Variants in C1orf198 observed in about 807,000 individuals in gnomAD.
The protein encoded by C1orf198 is chromosome 1 open reading frame 198.
Under a neutral mutation model 31.4 loss-of-function variants are expected in C1orf198, and 17 were observed. The observed-to-expected ratio is 0.54, with a 90% CI of 0.37 to 0.81. The LOEUF is 0.81. C1orf198 is among the 40% of genes least tolerant of loss of function. The probability of loss-of-function intolerance (pLI) is 0.00; values close to 1 mark genes in which losing one functional copy is unlikely to be tolerated. For synonymous variants in C1orf198, 175 were observed against 193.8 expected (o/e 0.90, Z 0.81); for missense variants, 401 against 450.3 (o/e 0.89, Z 0.99).
chr1:230,842,336 C>G (rs536152806), intron 3 of C1orf198, among the ~76,000 whole-genome samples: 1 of 152,092 alleles, frequency 6.6e-6, no homozygotes, highest in South Asian at 2.1e-4. Context: ...GTATATGGAA[C>G]CAGCCCAAAT....
At chr1:230,868,154 G>A in intron 1 of C1orf198, 26 bp downstream of exon 1, 2 of 1,397,358 alleles carry the variant, frequency 1.4e-6, no homozygotes, top group South Asian at 1.5e-5. Context: ...GAGGGGAAGA[G>A]GGTCCGCGGC....
At chr1:230,849,002 G>A (rs554346070) in intron 2 of C1orf198, among the ~76,000 whole-genome samples, 88 of 152,304 alleles carry the variant, frequency 5.8e-4, no homozygotes, top group African/African-American at 2.1e-3. Flanking sequence ...ACAGCACCAG[G>A]ACAGAGCGAA....
At chr1:230,866,539 A>G (rs1432017644) in intron 1 of C1orf198, among the ~76,000 whole-genome samples, 8 of 152,198 alleles carry the variant, frequency 5.3e-5, no homozygotes, top group African/African-American at 9.7e-5. Context: ...ACTTGGCCAC[A>G]TTCTTCCTTG....
Position 230,843,917 on chromosome 1 carries a change from G to A in C1orf198, c.385-21C>T, listed in dbSNP as rs758093701. 3 of 1,496,316 alleles carry A rather than the reference G, an allele frequency of 2.0e-6. No individual in the cohort carries two copies. The highest frequency in any genetic ancestry group is 2.7e-5 in the South Asian group (2 of 73,650). 92.7% of individuals were successfully genotyped at this position (1,496,316 alleles called of 1,614,324 possible). ...TGACTCTAGGGTGGGACATGAGAAA[G>A]GACAGAAAAAAGAAAGAGATCCTGA... On this transcript the variant is annotated intron_variant, in intron 2 of 3. Transcript: ENST00000366663. This position sits in a 1 kb window ranked among gnomAD's most constrained non-coding sequence, Gnocchi z 4.9.
intron 2 of C1orf198, among the ~76,000 whole-genome samples, chr1:230,850,884 C>T (rs1669722877): frequency 6.6e-6 from 1 of 152,048 alleles, no homozygotes; most frequent in African/African-American, 2.4e-5. Flanking sequence ...CCCTTCTGTC[C>T]CACCATGGGC....
rs1333359732 is a variant in C1orf198 at position 230,857,235 on chromosome 1, G to A, written c.334-1517C>T. 6.6e-6 allele frequency among the ~76,000 whole-genome samples: 1 copy of A among 152,178 alleles called. No individual in the cohort carries two copies. Among genetic ancestry groups the A allele is most frequent in the African/African-American group, 2.4e-5 (1 of 41,444 alleles). ...AAGTGTGTGATGACTCCCCAGCACA[G>A]CCCAAGCACGGCCAACCCTAGATGA... On this transcript the variant is annotated intron_variant, in intron 1 of 3. Transcript: ENST00000366663. The surrounding 1 kb of genome is among the most constrained non-coding windows in gnomAD (Gnocchi z 4.2).
intron 2 of C1orf198, among the ~76,000 whole-genome samples, chr1:230,852,434 G>A (rs573588266): frequency 1.3e-5 from 2 of 152,292 alleles, no homozygotes; most frequent in Admixed American, 1.3e-4. Flanking sequence ...TGGGAACAGA[G>A]TTTCAGTCTT....
intron 2 of C1orf198, among the ~76,000 whole-genome samples, chr1:230,845,218 A>T (rs1264723563): frequency 9.2e-5 from 5 of 54,132 alleles, no homozygotes; most frequent in Admixed American, 5.6e-4. Flanking sequence ...AAAAAAATTA[A>T]AAAAAAAAAA....
intron 2 of C1orf198, among the ~76,000 whole-genome samples, chr1:230,852,158 T>A (rs147308174): frequency 6.7e-4 from 102 of 152,156 alleles, no homozygotes; most frequent in African/African-American, 2.3e-3. Flanking sequence ...GTTAAACGTA[T>A]GGAGAAAATG....
At chr1:230,847,276 C>G (rs1438046355) in intron 2 of C1orf198, among the ~76,000 whole-genome samples, 2 of 139,142 alleles carry the variant, frequency 1.4e-5, no homozygotes, top group Non-Finnish European at 3.0e-5. Context: ...GAGACTCTGT[C>G]TCAAAAAAAA....
At chr1:230,849,239 C>T (rs1180625975) in intron 2 of C1orf198, among the ~76,000 whole-genome samples, 3 of 152,296 alleles carry the variant, frequency 2.0e-5, no homozygotes, top group African/African-American at 7.2e-5. Context: ...GAAAGGAGGT[C>T]ATGCCAGCCC....
intron 2 of C1orf198, among the ~76,000 whole-genome samples, chr1:230,851,248 C>T (rs530156884): frequency 7.6e-4 from 116 of 152,202 alleles, no homozygotes; most frequent in Middle Eastern, 3.4e-3. Context: ...AGCTGGACAT[C>T]AGGTGAAGGA....
At position 230,857,968 on chromosome 1, in the gene C1orf198, G is replaced by A. The variant is rs1669918448; in HGVS notation, c.334-2250C>T. On this transcript the variant is annotated intron_variant, in intron 1 of 3. Coordinates refer to ENST00000366663, the MANE Select transcript of C1orf198 (RefSeq NM_032800.3). This position sits in a 1 kb window ranked among gnomAD's most constrained non-coding sequence, Gnocchi z 4.2. ...ATGATCCTGACTTCTGAACTGATTG[G>A]TATGCAGTGCCTCATGGCTGTCAAG... 6.6e-6 allele frequency among the ~76,000 whole-genome samples: 1 copy of A among 152,234 alleles called. No homozygotes were observed. Among genetic ancestry groups the A allele is most frequent in the South Asian group, 2.1e-4 (1 of 4,836 alleles).
chr1:230,855,590 TC>T, intron 2 of C1orf198, 77 bp downstream of exon 2: 1 of 1,507,254 alleles, frequency 6.6e-7, no homozygotes, highest in Non-Finnish European at 9.1e-7. Context: ...TCTGAGTCCA[TC>T]AAATGCTGAA....
chr1:230,859,802 G>A (rs1239096204), intron 1 of C1orf198, among the ~76,000 whole-genome samples: 1 of 152,096 alleles, frequency 6.6e-6, no homozygotes, highest in African/African-American at 2.4e-5. Flanking sequence ...TCAATTCAGT[G>A]TGCACCTCCT....
chr1:230,859,287 A>G (rs761788662), intron 1 of C1orf198, among the ~76,000 whole-genome samples: 6 of 152,106 alleles, frequency 3.9e-5, no homozygotes, highest in Non-Finnish European at 8.8e-5. Context: ...TGCAACCAAA[A>G]TGAGGCCAGG....
upstream of C1orf198, chr1:230,868,554 GC>G: frequency 8.7e-7 from 1 of 1,143,356 alleles, no homozygotes; most frequent in East Asian, 3.8e-5. Flanking sequence ...CCCGCCCCTC[GC>G]TGTGCCCGCC....
chr1:230,868,640 T>C (rs1670184739), upstream of C1orf198: 1 of 746,384 alleles, frequency 1.3e-6, no homozygotes, highest in South Asian at 6.1e-5. Flanking sequence ...TACCCGGGTC[T>C]CCAAGCCAAC....
chr1:230,867,798 C>T (rs1479254569), intron 1 of C1orf198, among the ~76,000 whole-genome samples: 1 of 152,180 alleles, frequency 6.6e-6, no homozygotes, highest in South Asian at 2.1e-4. Context: ...ATTGACCCAC[C>T]GCCATACAGG....
Sources: allele counts gnomAD v4.1 joint callset (sites outside exome capture counted in the v4.1 genomes callset), GRCh38; gene constraint gnomAD v4.1.1; non-coding constraint Gnocchi (gnomAD v3.1); transcripts MANE v1.5; gene names NCBI Gene and HGNC (gene_info 2026-07-23, HGNC 2026-07-21).